The following CYP39A1 variants were observed in gnomAD, a reference collection of about 807,000 sequenced individuals.
CYP39A1 encodes the protein cytochrome P450 family 39 subfamily A member 1.
Under a neutral mutation model 58.1 loss-of-function variants are expected in CYP39A1, and 49 were observed. The observed-to-expected ratio is 0.84, with a 90% confidence interval of 0.67 to 1.07. CYP39A1 has a LOEUF of 1.07. Ranked by LOEUF, CYP39A1 falls within the 50% of genes least tolerant of loss-of-function variation. The probability of loss-of-function intolerance (pLI) is 0.00; values close to 1 mark genes in which losing one functional copy is unlikely to be tolerated. For missense variants in CYP39A1, 531 were observed against 539.4 expected, an observed-to-expected ratio of 0.98 and a Z score of 0.16; for synonymous variants, 209 against 187.6, an observed-to-expected ratio of 1.11 and a Z score of -0.93.
intron 10 of CYP39A1, among the ~76,000 whole-genome samples, chr6:46,563,629 T>C (rs1771098983): frequency 6.6e-6 from 1 of 152,000 alleles, no homozygotes; most frequent in African/African-American, 2.4e-5. Context: ...GAAACAAAAT[T>C]TGGAGTCTGG....
In CYP39A1 at chr6:46,551,250, G is replaced by A. The variant is rs950465210; in HGVS notation, c.1339-813C>T. On this transcript the variant is annotated intron_variant, in intron 11 of 11. Coordinates refer to ENST00000275016, the MANE Select transcript of CYP39A1 (RefSeq NM_016593.5). ...GAAAGAATAAGTTGCAGGGTTCCAC[G>A]AACCCACTGAAATTGCATCCACAAC... Among the ~76,000 whole-genome samples, 9 of 151,040 alleles carry A rather than the reference G, an allele frequency of 6.0e-5. No homozygotes were observed. In the East Asian group the frequency reaches 1.6e-3, roughly 26 times the overall value.
chr6:46,614,237 T>C (rs192048290), intron 7 of CYP39A1, among the ~76,000 whole-genome samples: 2 of 152,278 alleles, frequency 1.3e-5, no homozygotes, highest in East Asian at 3.9e-4. Context: ...ATGGAAGCCA[T>C]TACATCTTCT....
At chr6:46,643,218 G>A (rs199998943) in intron 1 of CYP39A1, among the ~76,000 whole-genome samples, 126 of 152,270 alleles carry the variant, frequency 8.3e-4, no homozygotes, top group African/African-American at 2.9e-3. Context: ...AATTATGAAT[G>A]TGGGCAACAA....
intron 8 of CYP39A1, among the ~76,000 whole-genome samples, chr6:46,589,897 G>A (rs745372463): frequency 1.7e-4 from 26 of 152,094 alleles, no homozygotes; most frequent in Admixed American, 5.2e-4. Flanking sequence ...ATGACTTGGA[G>A]GCTGCTGACT....
At chr6:46,628,887 G>A (rs1562006160) in intron 6 of CYP39A1, among the ~76,000 whole-genome samples, 1 of 152,216 alleles carries the variant, frequency 6.6e-6, no homozygotes, top group Non-Finnish European at 1.5e-5. Flanking sequence ...TGTAAGGGAA[G>A]AAAACTAGCA....
chr6:46,561,023 AC>A (rs923361764), intron 10 of CYP39A1, among the ~76,000 whole-genome samples: 3 of 152,202 alleles, frequency 2.0e-5, no homozygotes, highest in African/African-American at 7.2e-5. Flanking sequence ...ACATAAAGTA[AC>A]CACTTCTTTT....
At position 46,623,793 on chromosome 6, in the gene CYP39A1, C is replaced by T. The variant is rs965719820; in HGVS notation, c.931+1625G>A. On this transcript the variant is annotated intron_variant, in intron 7 of 11. Transcript: ENST00000275016. ...AGCTTCCAAAGATCTGTGGACTCCT[C>T]TCACAACATTTAAATTCCTGAGCTG... 2.0e-5 allele frequency among the ~76,000 whole-genome samples: 3 copies of T among 152,030 alleles called. 1 individual carries two copies. Among genetic ancestry groups the T allele is most frequent in the South Asian group, 4.1e-4 (2 of 4,820 alleles).
chr6:46,559,295 G>C (rs1045069498), intron 10 of CYP39A1, among the ~76,000 whole-genome samples: 2 of 152,090 alleles, frequency 1.3e-5, no homozygotes, highest in African/African-American at 4.8e-5. Flanking sequence ...CAGCTTCTCA[G>C]AGGAGGGATG....
At chr6:46,622,377 T>TTA (rs1775009106) in intron 7 of CYP39A1, among the ~76,000 whole-genome samples, 1 of 152,064 alleles carries the variant, frequency 6.6e-6, no homozygotes, top group African/African-American at 2.4e-5. Flanking sequence ...TTGATGCATG[T>TTA]TACATGCACA....
chr6:46,585,854 C>A (rs1183774954), intron 10 of CYP39A1, among the ~76,000 whole-genome samples: 1 of 152,132 alleles, frequency 6.6e-6, no homozygotes, highest in Non-Finnish European at 1.5e-5. Context: ...CATCATACAG[C>A]TTATTCCTCT....
chr6:46,619,446 A>G (rs1470766782), intron 7 of CYP39A1, among the ~76,000 whole-genome samples: 3 of 152,072 alleles, frequency 2.0e-5, no homozygotes, highest in Non-Finnish European at 4.4e-5. Flanking sequence ...CACAAATAAA[A>G]AATATTTTTA....
chr6:46,646,704 G>C (rs1386240648), intron 1 of CYP39A1, among the ~76,000 whole-genome samples: 1 of 151,998 alleles, frequency 6.6e-6, no homozygotes, highest in Non-Finnish European at 1.5e-5. Flanking sequence ...ATTCTTTTTG[G>C]GAGGTTATCA....
chr6:46,554,094 T>G (rs1770548444), intron 10 of CYP39A1, among the ~76,000 whole-genome samples: 1 of 152,150 alleles, frequency 6.6e-6, no homozygotes, highest in African/African-American at 2.4e-5. Context: ...CAGTGGGAGC[T>G]CTCAATAAAT....
At chr6:46,634,128 T>A (rs1775821103) in intron 5 of CYP39A1, among the ~76,000 whole-genome samples, 1 of 152,174 alleles carries the variant, frequency 6.6e-6, no homozygotes. Flanking sequence ...AGGGATCCAG[T>A]GGGAGGTAAC....
intron 6 of CYP39A1, among the ~76,000 whole-genome samples, chr6:46,627,348 T>C (rs1775376279): frequency 1.3e-5 from 2 of 152,300 alleles, no homozygotes; most frequent in South Asian, 2.1e-4. Context: ...TTCAATAAAA[T>C]TGGATACTAC....
At chr6:46,561,486 G>A (rs929778143) in intron 10 of CYP39A1, among the ~76,000 whole-genome samples, 1 of 152,054 alleles carries the variant, frequency 6.6e-6, no homozygotes, top group African/African-American at 2.4e-5. Flanking sequence ...CCAAGGGACA[G>A]ACTTAGAAGA....
At chr6:46,617,273 TAA>T (rs1236733681) in intron 7 of CYP39A1, among the ~76,000 whole-genome samples, 2 of 152,190 alleles carry the variant, frequency 1.3e-5, no homozygotes, top group East Asian at 3.9e-4. Flanking sequence ...TACTTATATG[TAA>T]AGTTTTATAA....
intron 10 of CYP39A1, among the ~76,000 whole-genome samples, chr6:46,566,888 C>G (rs538816965): frequency 3.3e-5 from 5 of 150,150 alleles, no homozygotes; most frequent in African/African-American, 1.2e-4. Context: ...ATACATGTAC[C>G]CATATATACA....
intron 10 of CYP39A1, among the ~76,000 whole-genome samples, chr6:46,581,469 T>C (rs1267525169): frequency 2.7e-5 from 4 of 150,526 alleles, no homozygotes; most frequent in Non-Finnish European, 5.9e-5. Context: ...AGTAACACCA[T>C]GAAATCCTGT....
Sources: allele counts gnomAD v4.1 joint callset (sites outside exome capture counted in the v4.1 genomes callset), GRCh38; gene constraint gnomAD v4.1.1; transcripts MANE v1.5; gene names NCBI Gene and HGNC (gene_info 2026-07-23, HGNC 2026-07-21).